Variants in TRA2A observed in about 807,000 individuals in gnomAD.
TRA2A encodes transformer-2 protein homolog alpha.
Under a neutral mutation model 45.7 loss-of-function variants are expected in TRA2A, and 31 were observed. The ratio of observed to expected loss-of-function variants is 0.68; its 90% confidence interval spans 0.51 to 0.92. TRA2A has a LOEUF of 0.92. TRA2A is among the 40% of genes least tolerant of loss of function. The pLI is 0.00. For synonymous variants in TRA2A, 132 were observed against 126.2 expected (o/e 1.05, Z -0.31); for missense variants, 304 against 367.5 (o/e 0.83, Z 1.41).
chr7:23,507,149 A>G (rs994604148), intron 5 of TRA2A: 2 of 387,398 alleles, frequency 5.2e-6, no homozygotes. Context: ...TTTTTGAGAA[A>G]GAGTCTCACT....
Position 23,521,746 on chromosome 7 carries a change from T to C in TRA2A, c.131A>G (p.Lys44Arg), listed in dbSNP as rs1790146242. The stretch of plus-strand genomic sequence containing the variant: ...TGATCGAGAATGGGATTCAGAGTGT[T>C]TGGAAACCCTTGATGGACTACGAGA... ...SGSRSPSRVSKHSESHSRSRS... is the reference protein window; with the variant it reads ...SGSRSPSRVSRHSESHSRSRS... The change falls in exon 2 of 8, where the codon AAA (lysine) becomes AGA (arginine). Residue 44 changes from lysine (K) to arginine (R), a missense_variant. Physicochemically the swap from Lys to Arg is conservative, Grantham distance 26. This residue lies in a region of TRA2A where 132 missense variants were observed against 113.4 expected (regional missense o/e 1.16). Coordinates refer to ENST00000297071, the MANE Select transcript of TRA2A (RefSeq NM_013293.5). 1 of 1,614,176 alleles carries C rather than the reference T, an allele frequency of 6.2e-7. No homozygotes were observed. Among genetic ancestry groups the C allele is most frequent in the East Asian group, 2.2e-5 (1 of 44,892 alleles).
chr7:23,521,090 G>A lies in TRA2A; in HGVS notation c.170+617C>T, dbSNP rs543647633. ...TGCGTTTCTGTTATCCATGGTGGTG[G>A]GACTCCAAATCAGCTAAGGACTTTT... is the stretch of plus-strand genomic sequence containing the variant. On this transcript the variant is annotated intron_variant, in intron 2 of 7. Transcript: ENST00000297071. Among the ~76,000 whole-genome samples the A allele has an allele frequency of 9.2e-5, 14 of 152,244 alleles. No homozygotes were observed. In the South Asian group the frequency reaches 2.1e-3, roughly 23 times the overall value.
intron 5 of TRA2A, chr7:23,506,622 A>G (rs1205595369): frequency 4.3e-6 from 1 of 232,504 alleles, no homozygotes; most frequent in African/African-American, 2.2e-5. Context: ...AAATAAATAA[A>G]TAAATGAATA....
At chr7:23,515,594 G>A (rs949496450) in intron 3 of TRA2A, among the ~76,000 whole-genome samples, 1 of 151,352 alleles carries the variant, frequency 6.6e-6, no homozygotes, top group African/African-American at 2.4e-5. Flanking sequence ...AGGCCAGTCT[G>A]GAATGCAGTG....
rs751091694 is a variant in TRA2A at position 23,516,418 on chromosome 7, C to T, written c.281G>A (p.Arg94Gln). ...SRSYTPEYRR[R>Q]RSRSHSPMSN... ...CATTGGAGAATGGCTTCGGCTCCTT[C>T]GCCGCCGGTATTCTGGTGTATATGA... Residue 94 changes from arginine (R) to glutamine (Q), a missense_variant, in exon 3 of 8, where the codon CGA (arginine) becomes CAA (glutamine). Transcript: ENST00000297071. The T allele has an allele frequency of 4.0e-5, 65 of 1,614,116 alleles. No individual in the cohort carries two copies. The highest frequency in any genetic ancestry group is 5.1e-5 in the Non-Finnish European group (60 of 1,180,048).
At position 23,507,540 on chromosome 7, in the gene TRA2A, A is replaced by T; in HGVS notation, c.526-5T>A. 1.9e-6 allele frequency: 3 copies of T among 1,606,890 alleles called. No homozygotes were observed. The highest frequency in any genetic ancestry group is 2.6e-6 in the Non-Finnish European group (3 of 1,173,504). On this transcript the variant is annotated splice_polypyrimidine_tract_variant and splice_region_variant and intron_variant, in intron 4 of 7. Transcript: ENST00000297071. ...TCCATTTGCCCTTTCCATAGCCTAT[A>T]AAGAACAGGCACAAAAAGTCACGTA...
chr7:23,521,617 G>A (rs1401049097), intron 2 of TRA2A, 90 bp downstream of exon 2: 37 of 1,453,498 alleles, frequency 2.5e-5, no homozygotes, highest in Non-Finnish European at 3.1e-5. Flanking sequence ...TGAGTCTTTC[G>A]TGAAATTTCT....
At chr7:23,527,733 C>T (rs927929451) in intron 1 of TRA2A, among the ~76,000 whole-genome samples, 2 of 152,164 alleles carry the variant, frequency 1.3e-5, no homozygotes, top group African/African-American at 4.8e-5. Flanking sequence ...GTTCTATATT[C>T]CATTTAATGA....
intron 1 of TRA2A, among the ~76,000 whole-genome samples, chr7:23,525,148 C>T (rs17150424): frequency 0.13 from 19,127 of 152,236 alleles, 1,451 homozygotes; most frequent in East Asian, 0.36. Flanking sequence ...TTTCACTGAA[C>T]TCTGCATTAG....
chr7:23,522,484 C>T, intron 1 of TRA2A: 1 of 884,186 alleles, frequency 1.1e-6, no homozygotes, highest in East Asian at 9.9e-5. Context: ...GATTATAAAA[C>T]TCTGCTGGAG....
At position 23,517,477 on chromosome 7, in the gene TRA2A, C is replaced by CAAAAAAAAAAAAAAAA. The variant is rs70954385; in HGVS notation, c.171-965_171-950dup. ...TGGGCGACAGAGCAAGACTACGTCT[C>CAAAAAAAAAAAAAAAA]AAAAAAAAAAAAAAAAAAAAAAAAA... is the stretch of plus-strand genomic sequence containing the variant. On this transcript the variant is annotated intron_variant, in intron 2 of 7. Transcript: ENST00000297071. Among the ~76,000 whole-genome samples the CAAAAAAAAAAAAAAAA allele has an allele frequency of 1.7e-3, 24 of 13,930 alleles. 2 individuals carry two copies. Among genetic ancestry groups the CAAAAAAAAAAAAAAAA allele is most frequent in the Admixed American group, 2.5e-3 (2 of 814 alleles). 9.1% of individuals were successfully genotyped at this position (13,930 alleles called of 152,430 possible). A position where few individuals can be genotyped will look rare whatever the true frequency, so the allele number is the denominator to read the frequency against.
At chr7:23,531,446 C>A (rs985225169) in intron 1 of TRA2A, 6 of 355,234 alleles carry the variant, frequency 1.7e-5, no homozygotes, top group Non-Finnish European at 3.0e-5. Flanking sequence ...AGCTCCCTGC[C>A]GCCTCCTCCC....
chr7:23,516,166 ATTCT>A (rs1472659668), intron 3 of TRA2A, among the ~76,000 whole-genome samples, 193 bp downstream of exon 3: 2 of 152,154 alleles, frequency 1.3e-5, no homozygotes, highest in African/African-American at 4.8e-5. Flanking sequence ...CTTCCTTTGC[ATTCT>A]TTGTCATAAA....
At position 23,508,716 on chromosome 7, in the gene TRA2A, G is replaced by A. The variant is rs543953327; in HGVS notation, c.526-1181C>T. ...TCACCATGTTGGCCAGGATGGTCTC[G>A]ATCTCTTGACCTTGTGATCCTCCTG... On this transcript the variant is annotated intron_variant, in intron 4 of 7. Transcript: ENST00000297071. Among the ~76,000 whole-genome samples, 7 of 151,996 alleles carry A rather than the reference G, an allele frequency of 4.6e-5. No homozygotes were observed. The East Asian group carries it at 9.6e-4, about 21-fold the overall frequency.
At chr7:23,521,678 A>T in intron 2 of TRA2A, 29 bp downstream of exon 2, 1 of 1,608,600 alleles carries the variant, frequency 6.2e-7, no homozygotes, top group South Asian at 1.1e-5. Flanking sequence ...CCAGAAGAAT[A>T]TTTTAAGTAT....
At position 23,509,170 on chromosome 7, in the gene TRA2A, G is replaced by A. The variant is rs545885493; in HGVS notation, c.526-1635C>T. ...AAAAAGAACTTTACATCACATAAAT[G>A]TCTGCAAAAGCAAAGCTGCAACAAA... is the stretch of plus-strand genomic sequence containing the variant. On this transcript the variant is annotated intron_variant, in intron 4 of 7. Coordinates refer to ENST00000297071, the MANE Select transcript of TRA2A (RefSeq NM_013293.5). 2.0e-5 allele frequency among the ~76,000 whole-genome samples: 3 copies of A among 152,132 alleles called. No homozygotes were observed. The South Asian group carries it at 6.2e-4, about 32-fold the overall frequency.
At chr7:23,528,525 C>G (rs1790434121) in intron 1 of TRA2A, among the ~76,000 whole-genome samples, 1 of 152,052 alleles carries the variant, frequency 6.6e-6, no homozygotes, top group Admixed American at 6.6e-5. Context: ...TTTAAACAAG[C>G]CAGTCACAGG....
rs937515289 is a variant in TRA2A, at chr7:23,531,709, C to T, written c.36+80G>A. 4.5e-6 allele frequency: 7 copies of T among 1,548,260 alleles called. No individual in the cohort carries two copies. The African/African-American group carries it at 9.5e-5, about 21-fold the overall frequency. ...TTGCTCCTCGCGGGACTACCCGCAA[C>T]CCCGCCCGACCGCGCTTGTTCCCGT... On this transcript the variant is annotated intron_variant, in intron 1 of 7. Transcript: ENST00000297071.
intron 1 of TRA2A, among the ~76,000 whole-genome samples, chr7:23,525,834 G>T (rs1790318326): frequency 6.6e-6 from 1 of 152,104 alleles, no homozygotes; most frequent in South Asian, 2.1e-4. Flanking sequence ...GACCTCAAGT[G>T]ATCCACCCGC....
Sources: gnomAD v4.1 joint callset for allele counts (sites outside exome capture counted in the v4.1 genomes callset) on GRCh38, gnomAD v4.1.1 for gene constraint, gnomAD v4.1.1 regional missense constraint, MANE v1.5 for transcripts, NCBI Gene and HGNC (gene_info 2026-07-23, HGNC 2026-07-21) for gene names.